The following FHOD3 variants were observed in gnomAD, a reference collection of about 807,000 sequenced individuals.
FHOD3 encodes the protein formin homology 2 domain containing 3, also known as FH1/FH2 domain-containing protein 3.
Under a neutral mutation model 173.0 loss-of-function variants are expected in FHOD3, and 90 were observed. That is an observed-to-expected ratio of 0.52 (90% CI 0.44 to 0.62). FHOD3 has a LOEUF of 0.62. Among genes scored for constraint, FHOD3 ranks in the 20% least tolerant of loss-of-function variants. The pLI is 0.00. For missense variants in FHOD3, 1,945 were observed against 2,034.7 expected (o/e 0.96, Z 0.85); for synonymous variants, 828 against 823.0 (o/e 1.01, Z -0.10).
intron 3 of FHOD3, among the ~76,000 whole-genome samples, chr18:36,491,959 G>A (rs557053837): frequency 2.5e-4 from 38 of 152,252 alleles, no homozygotes; most frequent in Admixed American, 8.5e-4. Flanking sequence ...TTCTGTGAAA[G>A]TATGGCCAAA....
intron 1 of FHOD3, among the ~76,000 whole-genome samples, chr18:36,309,065 G>A (rs1467382224): frequency 6.6e-6 from 1 of 152,112 alleles, no homozygotes. Context: ...GCAAGAGAAG[G>A]CATGCTGTCC....
intron 24 of FHOD3, among the ~76,000 whole-genome samples, chr18:36,753,362 T>G (rs1050175020): frequency 1.3e-5 from 2 of 152,152 alleles, no homozygotes; most frequent in Admixed American, 6.5e-5. Context: ...AGAGATGAAG[T>G]CAGAGAGGTG....
At chr18:36,641,634 C>G (rs1168928011) in intron 10 of FHOD3, among the ~76,000 whole-genome samples, 4 of 151,910 alleles carry the variant, frequency 2.6e-5, no homozygotes, top group Non-Finnish European at 4.4e-5. Flanking sequence ...GCCACTGCAC[C>G]CCAGCATCTT....
chr18:36,587,387 C>T (rs929048863), intron 6 of FHOD3, among the ~76,000 whole-genome samples: 8 of 152,180 alleles, frequency 5.3e-5, no homozygotes, highest in East Asian at 1.9e-4. Context: ...CCTCAGGCAT[C>T]GTATTTCCCA....
intron 5 of FHOD3, among the ~76,000 whole-genome samples, chr18:36,524,280 T>TAA (rs2056411114): frequency 2.1e-5 from 2 of 93,928 alleles, no homozygotes; most frequent in Non-Finnish European, 4.7e-5. Context: ...AGGCTCTACC[T>TAA]CAAAAAAAAA....
intron 22 of FHOD3, 102 bp downstream of exon 22, chr18:36,742,958 T>C: frequency 7.0e-7 from 1 of 1,430,766 alleles, no homozygotes; most frequent in South Asian, 1.4e-5. Flanking sequence ...CAAAGCACAG[T>C]GGAACAAATG....
intron 5 of FHOD3, among the ~76,000 whole-genome samples, chr18:36,514,685 T>C (rs1334528947): frequency 6.6e-6 from 1 of 152,204 alleles, no homozygotes; most frequent in Non-Finnish European, 1.5e-5. Context: ...ATTATAACCA[T>C]CTTCTGTTTA....
At chr18:36,519,998 A>G (rs1014126553) in intron 5 of FHOD3, among the ~76,000 whole-genome samples, 1 of 134,660 alleles carries the variant, frequency 7.4e-6, no homozygotes, top group African/African-American at 2.9e-5. Context: ...TTAGTCTATC[A>G]CCCTGGCTGG....
At chr18:36,732,279 G>C (rs1418862183) in intron 20 of FHOD3, among the ~76,000 whole-genome samples, 3 of 152,192 alleles carry the variant, frequency 2.0e-5, no homozygotes, top group Admixed American at 1.3e-4. Flanking sequence ...CCAGATTCTA[G>C]AACTGTGGGA....
intron 5 of FHOD3, among the ~76,000 whole-genome samples, chr18:36,568,667 G>A (rs1329676735): frequency 6.6e-6 from 1 of 152,176 alleles, no homozygotes; most frequent in Non-Finnish European, 1.5e-5. Flanking sequence ...TGATATTAGA[G>A]CCACAGAAGA....
At chr18:36,318,700 T>G (rs2044250409) in intron 1 of FHOD3, among the ~76,000 whole-genome samples, 3 of 152,218 alleles carry the variant, frequency 2.0e-5, no homozygotes, top group African/African-American at 7.2e-5. Context: ...TTTTCCTAAT[T>G]GAAATTCCTT....
chr18:36,489,582 G>A (rs2054360077), intron 3 of FHOD3, among the ~76,000 whole-genome samples: 1 of 152,084 alleles, frequency 6.6e-6, no homozygotes, highest in Non-Finnish European at 1.5e-5. Flanking sequence ...TAAGGTGGGA[G>A]GGTCACTTGA....
chr18:36,395,049 A>G (rs2048482383), intron 3 of FHOD3, among the ~76,000 whole-genome samples: 1 of 152,228 alleles, frequency 6.6e-6, no homozygotes, highest in Non-Finnish European at 1.5e-5. Context: ...AGTGGATAGA[A>G]TTAGAATATC....
At chr18:36,384,181 C>T (rs1198742633) in intron 3 of FHOD3, among the ~76,000 whole-genome samples, 1 of 152,048 alleles carries the variant, frequency 6.6e-6, no homozygotes, top group Admixed American at 6.6e-5. Context: ...GAGATCAAGA[C>T]CATCCTGGCT....
chr18:36,609,340 G>A (rs988822356), intron 8 of FHOD3, among the ~76,000 whole-genome samples: 31 of 144,114 alleles, frequency 2.2e-4, no homozygotes, highest in Admixed American at 2.1e-4. Flanking sequence ...AGAATTTGAT[G>A]AGCCTATTAG....
chr18:36,418,053 G>A (rs918866530), intron 3 of FHOD3, among the ~76,000 whole-genome samples: 9 of 152,232 alleles, frequency 5.9e-5, no homozygotes, highest in African/African-American at 9.6e-5. Context: ...TTCATATCAC[G>A]AGGTGCAATC....
chr18:36,463,213 A>G (rs932005908), intron 3 of FHOD3, among the ~76,000 whole-genome samples: 1 of 151,398 alleles, frequency 6.6e-6, no homozygotes, highest in African/African-American at 2.4e-5. Context: ...TTCCATTTCC[A>G]TTATCTCTGT....
At chr18:36,517,360 G>A (rs1279699492) in intron 5 of FHOD3, among the ~76,000 whole-genome samples, 2 of 152,176 alleles carry the variant, frequency 1.3e-5, no homozygotes, top group Non-Finnish European at 2.9e-5. Context: ...CAGGCCCTGG[G>A]GTTGTGACGA....
intron 1 of FHOD3, among the ~76,000 whole-genome samples, chr18:36,348,998 C>T (rs1009858476): frequency 3.9e-5 from 6 of 152,112 alleles, no homozygotes; most frequent in African/African-American, 1.4e-4. Flanking sequence ...AGGAGGGTGA[C>T]GTAAAGTCAG....
Sources: allele counts gnomAD v4.1 joint callset (sites outside exome capture counted in the v4.1 genomes callset), GRCh38; gene constraint gnomAD v4.1.1; transcripts MANE v1.5; gene names NCBI Gene and HGNC (gene_info 2026-07-23, HGNC 2026-07-21).